The following CHSY3 variants were observed in gnomAD, a reference collection of about 807,000 sequenced individuals.
CHSY3 encodes N-acetylgalactosaminyl-proteoglycan 3-beta-glucuronosyltransferase 3.
CHSY3 carries 35 observed loss-of-function variants against 67.2 expected under a neutral mutation model. The ratio of observed to expected loss-of-function variants is 0.52; its 90% CI spans 0.40 to 0.69. CHSY3 has a LOEUF of 0.69. Among genes scored for constraint, CHSY3 ranks in the 30% least tolerant of loss-of-function variants. The pLI is 0.00. For missense variants in CHSY3, 1,069 were observed against 1,138.5 expected, an observed-to-expected ratio of 0.94 and a Z score of 0.88; for synonymous variants, 474 against 434.7, an observed-to-expected ratio of 1.09 and a Z score of -1.12.
chr5:129,981,599 C>A (rs531620313), intron 2 of CHSY3, among the ~76,000 whole-genome samples: 2 of 152,154 alleles, frequency 1.3e-5, no homozygotes, highest in South Asian at 4.1e-4. Flanking sequence ...GTTCACTGCA[C>A]CCTCGGACTC....
chr5:130,051,535 C>A (rs1384141987), intron 2 of CHSY3, among the ~76,000 whole-genome samples: 1 of 151,836 alleles, frequency 6.6e-6, no homozygotes, highest in Non-Finnish European at 1.5e-5. Context: ...GTAATAGAAC[C>A]CCAAAGAATG....
rs1221941561 is a variant in CHSY3, at chr5:129,981,210, G to T, written c.1086+72850G>T. 1.4e-4 allele frequency among the ~76,000 whole-genome samples: 20 copies of T among 142,700 alleles called. 1 individual carries two copies. Among genetic ancestry groups the T allele is most frequent in the Admixed American group, 1.3e-3 (18 of 13,880 alleles). 93.6% of individuals were successfully genotyped at this position (142,700 alleles called of 152,430 possible). A position where few individuals can be genotyped will look rare whatever the true frequency, so the allele number is the denominator to read the frequency against. On this transcript the variant is annotated intron_variant, in intron 2 of 2. Transcript: ENST00000305031. ...CACTCTGGCCTGGGCGAAAGAGGGA[G>T]ACTCCGTCTCAAACAAAAAAAAAAG...
At chr5:130,182,001 T>TAC (rs1359473953) in intron 2 of CHSY3, among the ~76,000 whole-genome samples, 2 of 151,584 alleles carry the variant, frequency 1.3e-5, no homozygotes, top group African/African-American at 4.8e-5. Flanking sequence ...TGTATGTATA[T>TAC]ATATATATGT....
intron 2 of CHSY3, among the ~76,000 whole-genome samples, chr5:129,920,309 G>A (rs956026827): frequency 1.3e-5 from 2 of 152,132 alleles, no homozygotes; most frequent in East Asian, 1.9e-4. Flanking sequence ...ACTGGTGCAC[G>A]ATCTTGGCTT....
In CHSY3 at chr5:129,966,994, G is replaced by T. The variant is rs77727036; in HGVS notation, c.1086+58634G>T. Among the ~76,000 whole-genome samples the T allele has an allele frequency of 1.9e-3, 294 of 151,868 alleles. 1 individual carries two copies. The highest frequency in any genetic ancestry group is 6.8e-3 in the African/African-American group (284 of 41,474). On this transcript the variant is annotated intron_variant, in intron 2 of 2. Coordinates refer to ENST00000305031, the MANE Select transcript of CHSY3 (RefSeq NM_175856.5). ...CCTGTGTCTAAAGCAATTTAAGAAG[G>T]CCATCATAAGTGATTTGACCATCTT...
At chr5:130,107,061 T>C (rs1767432699) in intron 2 of CHSY3, among the ~76,000 whole-genome samples, 1 of 151,398 alleles carries the variant, frequency 6.6e-6, no homozygotes, top group African/African-American at 2.4e-5. Context: ...GAATCTTAGT[T>C]TGTTTACTAA....
chr5:129,986,096 C>T (rs1331636465), intron 2 of CHSY3, among the ~76,000 whole-genome samples: 1 of 152,108 alleles, frequency 6.6e-6, no homozygotes. Context: ...GCATCCTTGT[C>T]GTGTTCCAGA....
At chr5:129,947,667 G>A (rs373325402) in intron 2 of CHSY3, among the ~76,000 whole-genome samples, 1 of 151,800 alleles carries the variant, frequency 6.6e-6, no homozygotes. Context: ...ATTTGGGTGG[G>A]GGCACAGCCA....
intron 2 of CHSY3, among the ~76,000 whole-genome samples, chr5:130,088,268 G>A (rs1452763163): frequency 6.6e-6 from 1 of 151,174 alleles, no homozygotes; most frequent in Non-Finnish European, 1.5e-5. Context: ...AAAAACCCTG[G>A]AAGAAAACCT....
chr5:129,905,710 G>C lies in CHSY3; in HGVS notation c.802+79G>C, dbSNP rs529511955. On this transcript the variant is annotated intron_variant, in intron 1 of 2. Transcript: ENST00000305031. ...TGTAACCGGTCCTAGCCCCTGCCCA[G>C]CCCCTCCGCTGCTTCTCTGCCAGCA... 9.0e-6 allele frequency: 14 copies of C among 1,547,794 alleles called. No homozygotes were observed. The African/African-American group carries it at 1.4e-4, about 15-fold the overall frequency.
intron 2 of CHSY3, among the ~76,000 whole-genome samples, chr5:130,035,012 C>T (rs114668921): frequency 1.3e-5 from 2 of 152,016 alleles, no homozygotes; most frequent in African/African-American, 4.8e-5. Context: ...ACAGGGGAAA[C>T]AGCAAGTAAG....
chr5:130,159,898 G>A (rs925654117), intron 2 of CHSY3, among the ~76,000 whole-genome samples: 5 of 152,168 alleles, frequency 3.3e-5, no homozygotes, highest in Admixed American at 2.6e-4. Flanking sequence ...CATACCTAAT[G>A]TGACAAAGAA....
At chr5:130,041,010 T>C (rs1046910511) in intron 2 of CHSY3, among the ~76,000 whole-genome samples, 1 of 152,140 alleles carries the variant, frequency 6.6e-6, no homozygotes, top group African/African-American at 2.4e-5. Context: ...AGGATCCTAC[T>C]TGTCCCAGCT....
chr5:130,085,411 T>C (rs146225283), intron 2 of CHSY3, among the ~76,000 whole-genome samples: 269 of 152,178 alleles, frequency 1.8e-3, no homozygotes, highest in Non-Finnish European at 2.9e-3. Context: ...AACCAGAGCA[T>C]CTTCTATCTT....
chr5:130,141,901 G>T (rs1009711836), intron 2 of CHSY3: 4 of 237,804 alleles, frequency 1.7e-5, no homozygotes, highest in Non-Finnish European at 2.5e-5. Flanking sequence ...TGATGGTGGA[G>T]CTCCCTCTGC....
chr5:130,025,089 A>G (rs1015380348), intron 2 of CHSY3, among the ~76,000 whole-genome samples: 6 of 151,666 alleles, frequency 4.0e-5, no homozygotes, highest in Admixed American at 3.3e-4. Context: ...ATTTTTCTCC[A>G]CTATGTAAAA....
At chr5:130,182,241 G>A (rs1265350581) in intron 2 of CHSY3, among the ~76,000 whole-genome samples, 1 of 152,062 alleles carries the variant, frequency 6.6e-6, no homozygotes, top group Non-Finnish European at 1.5e-5. Context: ...TTACCTTGAT[G>A]ATGAATAAAG....
intron 2 of CHSY3, among the ~76,000 whole-genome samples, chr5:130,007,786 G>C (rs549699579): frequency 3.9e-5 from 6 of 152,036 alleles, no homozygotes; most frequent in Non-Finnish European, 7.4e-5. Flanking sequence ...TTGACTGTTG[G>C]TTCTGTTCAG....
At position 129,982,284 on chromosome 5, in the gene CHSY3, A is replaced by C. The variant is rs185206239; in HGVS notation, c.1086+73924A>C. ...ACTATATTATTCCAATGTAAAAAAA[A>C]ACACACACACACACAAAAAAAACAA... On this transcript the variant is annotated intron_variant, in intron 2 of 2. Coordinates refer to ENST00000305031, the MANE Select transcript of CHSY3 (RefSeq NM_175856.5). Among the ~76,000 whole-genome samples, 700 of 151,940 alleles carry C rather than the reference A, an allele frequency of 4.6e-3. 10 individuals are homozygous for C. Among genetic ancestry groups the C allele is most frequent in the African/African-American group, 0.014 (574 of 41,476 alleles).
Sources: gnomAD v4.1 joint callset for allele counts (sites outside exome capture counted in the v4.1 genomes callset) on GRCh38, gnomAD v4.1.1 for gene constraint, MANE v1.5 for transcripts, NCBI Gene and HGNC (gene_info 2026-07-23, HGNC 2026-07-21) for gene names.